TVP23A: variants seen among roughly 807,000 people sequenced by gnomAD.
TVP23A encodes Golgi apparatus membrane protein TVP23 homolog A.
A neutral mutation model predicts 31.7 loss-of-function variants in TVP23A; 21 were observed. The ratio of observed to expected loss-of-function variants is 0.66; its 90% confidence interval spans 0.47 to 0.95. The LOEUF (loss-of-function observed/expected upper bound fraction) is 0.95. TVP23A is among the 40% of genes least tolerant of loss of function. The pLI is 0.00. For synonymous variants in TVP23A, 104 were observed against 96.0 expected (o/e 1.08, Z -0.49); for missense variants, 279 against 255.6 (o/e 1.09, Z -0.62).
At chr16:10,759,639 G>A (rs768297517), downstream of TVP23A, among the ~76,000 whole-genome samples, 1 of 152,160 alleles carries the variant, frequency 6.6e-6, no homozygotes, top group Non-Finnish European at 1.5e-5. This position sits in a 1 kb window ranked among gnomAD's most constrained non-coding sequence, Gnocchi z 4.7. Flanking sequence ...AGCCAGGCGT[G>A]GTGGTGGGCA....
In TVP23A at chr16:10,777,803, A is replaced by G. The variant is rs1308703367; in HGVS notation, c.90-2707T>C. The stretch of plus-strand genomic sequence containing the variant: ...GAGGCAGGTGGATCACGAGGTCAAG[A>G]GACTGAGACCATCCCTGGCCAACAT... On this transcript the variant is annotated intron_variant, in intron 2 of 7. Coordinates refer to ENST00000299866, the MANE Select transcript of TVP23A (RefSeq NM_001079512.4). The surrounding 1 kb of genome is among the most constrained non-coding windows in gnomAD (Gnocchi z 4.5). 1.3e-5 allele frequency among the ~76,000 whole-genome samples: 2 copies of G among 151,464 alleles called. No individual in the cohort carries two copies. Among genetic ancestry groups the G allele is most frequent in the African/African-American group, 4.9e-5 (2 of 41,232 alleles).
At chr16:10,761,783 A>G (rs2142756162), downstream of TVP23A, 5 of 1,614,014 alleles carry the variant, frequency 3.1e-6, no homozygotes, top group Admixed American at 8.3e-5. Context: ...TCCCTCCCAC[A>G]ACCGGGGGCG....
chr16:10,773,986 T>G, intron 4 of TVP23A, 53 bp downstream of exon 4: 2 of 1,442,516 alleles, frequency 1.4e-6, no homozygotes, highest in Admixed American at 4.0e-5. Flanking sequence ...CCACAGAAAC[T>G]TTCCACACCC....
intron 2 of TVP23A, among the ~76,000 whole-genome samples, chr16:10,806,558 G>T (rs974656764): frequency 6.6e-6 from 1 of 152,146 alleles, no homozygotes; most frequent in African/African-American, 2.4e-5. Flanking sequence ...CTGGAGTGCA[G>T]TGGCACAATC....
chr16:10,770,677 A>T (rs938872444), intron 6 of TVP23A, among the ~76,000 whole-genome samples: 2 of 151,826 alleles, frequency 1.3e-5, no homozygotes, highest in Non-Finnish European at 1.5e-5. Context: ...GTTCGAGACC[A>T]GCCTGGTCAA....
intron 2 of TVP23A, among the ~76,000 whole-genome samples, chr16:10,795,944 C>A (rs2033364631): frequency 6.6e-6 from 1 of 152,106 alleles, no homozygotes; most frequent in Admixed American, 6.6e-5. Flanking sequence ...TCTCACTACT[C>A]ATTTACAAGA....
At chr16:10,771,608 G>A in intron 6 of TVP23A, 62 bp downstream of exon 6, 2 of 1,599,370 alleles carry the variant, frequency 1.3e-6, no homozygotes, top group Non-Finnish European at 1.7e-6. Context: ...GTTGCCAGCA[G>A]GCCACCTTGA....
chr16:10,815,146 C>CT (rs1168690421), intron 2 of TVP23A, among the ~76,000 whole-genome samples: 7 of 142,204 alleles, frequency 4.9e-5, no homozygotes, highest in African/African-American at 1.9e-4. Context: ...AATCTCAGCA[C>CT]TGTGGGAGGC....
rs775231355 is a variant in TVP23A at position 10,761,359 on chromosome 16, C to T, written c.*416G>A. 8.7e-6 allele frequency: 14 copies of T among 1,613,214 alleles called. No homozygotes were observed. In the East Asian group the frequency reaches 8.9e-5, roughly 10 times the overall value. The stretch of plus-strand genomic sequence containing the variant: ...CTGGAATCACTGGTCTTTTCACCTT[C>T]GTAGGAGGTGTCACTCCAGGATGTC... On this transcript the variant is annotated 3_prime_UTR_variant and NMD_transcript_variant, in exon 9 of 9. Coordinates refer to the TVP23A transcript ENST00000456096.
In TVP23A at chr16:10,789,929, T is replaced by G. The variant is rs543062443; in HGVS notation, c.90-14833A>C. On this transcript the variant is annotated intron_variant, in intron 2 of 7. Transcript: ENST00000299866. ...AGGAGGGGGCTGGTTGGTAGGGACCTTCTAGGCTATAGATAAATTTTAAAA... is the reference window on the plus strand; with the variant it reads ...AGGAGGGGGCTGGTTGGTAGGGACCGTCTAGGCTATAGATAAATTTTAAAA... Among the ~76,000 whole-genome samples the G allele has an allele frequency of 1.6e-4, 24 of 152,222 alleles. 1 individual carries two copies. In the South Asian group the frequency reaches 4.8e-3, roughly 30 times the overall value.
rs537815198 is a variant in TVP23A at position 10,773,258 on chromosome 16, A to C, written c.453+55T>G. On this transcript the variant is annotated intron_variant, in intron 5 of 7. Transcript: ENST00000299866. Reference sequence around the variant, plus strand: ...ATAACAACAAAAGCCTAGTGGTGCAAACACTTTTTTTGCAGAGACATCAAA... The same window carrying C: ...ATAACAACAAAAGCCTAGTGGTGCACACACTTTTTTTGCAGAGACATCAAA... 4.0e-5 allele frequency: 61 copies of C among 1,543,324 alleles called. No individual in the cohort carries two copies. The South Asian group carries it at 7.1e-4, about 18-fold the overall frequency.
rs1041077515 is a variant in TVP23A at position 10,803,758 on chromosome 16, G to A, written c.89+14345C>T. On this transcript the variant is annotated intron_variant, in intron 2 of 7. Transcript: ENST00000299866. ...GTGGACACAACAGCTGACCATCAGGGCTGGGTAGACATTGGGGTTGTGGGA... is the reference window on the plus strand; with the variant it reads ...GTGGACACAACAGCTGACCATCAGGACTGGGTAGACATTGGGGTTGTGGGA... Among the ~76,000 whole-genome samples the A allele has an allele frequency of 2.6e-5, 4 of 152,242 alleles. No individual in the cohort carries two copies. In the South Asian group the frequency reaches 6.2e-4, roughly 24 times the overall value.
chr16:10,806,233 C>A (rs2033937667), intron 2 of TVP23A, among the ~76,000 whole-genome samples: 1 of 152,120 alleles, frequency 6.6e-6, no homozygotes, highest in South Asian at 2.1e-4. Flanking sequence ...ATCCCAGCTA[C>A]TCAGAAGACT....
chr16:10,779,801 T>G lies in TVP23A; in HGVS notation c.90-4705A>C, dbSNP rs1451453399. Among the ~76,000 whole-genome samples the G allele has an allele frequency of 1.3e-5, 2 of 152,168 alleles. No individual in the cohort carries two copies. Among genetic ancestry groups the G allele is most frequent in the East Asian group, 1.9e-4 (1 of 5,198 alleles). On this transcript the variant is annotated intron_variant, in intron 2 of 7. Transcript: ENST00000299866. The surrounding 1 kb of genome is among the most constrained non-coding windows in gnomAD (Gnocchi z 4.9). ...TAAGTTTGCATTCATCTAAAATAAG[T>G]GATTGGCCGGGGGCGGTGGCTCACG...
Position 10,807,080 on chromosome 16 carries a change from C to T in TVP23A, c.89+11023G>A, listed in dbSNP as rs537335820. Among the ~76,000 whole-genome samples the T allele has an allele frequency of 6.6e-5, 10 of 152,152 alleles. No homozygotes were observed. In the East Asian group the frequency reaches 7.7e-4, roughly 12 times the overall value. The stretch of plus-strand genomic sequence containing the variant: ...AATTTCAAAATAGATTTTAGAGAGC[C>T]GGTGACAATATAACTTTGTTCCCCA... On this transcript the variant is annotated intron_variant, in intron 2 of 7. Coordinates refer to ENST00000299866, the MANE Select transcript of TVP23A (RefSeq NM_001079512.4).
downstream of TVP23A, chr16:10,762,029 G>A: frequency 1.7e-6 from 1 of 575,190 alleles, no homozygotes; most frequent in East Asian, 2.9e-5. Context: ...CACCGGGAGA[G>A]AGGCCGAGAC....
chr16:10,802,706 A>G (rs937932758), intron 2 of TVP23A, among the ~76,000 whole-genome samples: 1 of 152,192 alleles, frequency 6.6e-6, no homozygotes, highest in African/African-American at 2.4e-5. Context: ...CTAACTCAAA[A>G]TATCATTTTC....
At chr16:10,797,213 GA>G (rs1305866477) in intron 2 of TVP23A, among the ~76,000 whole-genome samples, 1 of 151,670 alleles carries the variant, frequency 6.6e-6, no homozygotes, top group Non-Finnish European at 1.5e-5. Context: ...TGAAAGTTCA[GA>G]AAATTCTATT....
intron 2 of TVP23A, among the ~76,000 whole-genome samples, chr16:10,815,882 G>A (rs992486895): frequency 2.6e-5 from 4 of 152,162 alleles, no homozygotes; most frequent in Non-Finnish European, 5.9e-5. Flanking sequence ...TTCCCTTAAA[G>A]ATAATCATTG....
Sources: allele counts gnomAD v4.1 joint callset (sites outside exome capture counted in the v4.1 genomes callset), GRCh38; gene constraint gnomAD v4.1.1; non-coding constraint Gnocchi (gnomAD v3.1); transcripts MANE v1.5; gene names NCBI Gene and HGNC (gene_info 2026-07-23, HGNC 2026-07-21).